Variants in SEMA6D observed in about 807,000 individuals in gnomAD.
SEMA6D encodes semaphorin-6D.
SEMA6D carries 35 observed loss-of-function variants against 106.6 expected under a neutral mutation model. The ratio of observed to expected loss-of-function variants is 0.33; its 90% CI spans 0.25 to 0.44. The LOEUF is 0.44. Ranked by LOEUF, SEMA6D falls within the 20% of genes least tolerant of loss-of-function variation. SEMA6D has a pLI of 1.00. For missense variants in SEMA6D, 1,185 were observed against 1,345.9 expected, an observed-to-expected ratio of 0.88 and a Z score of 1.87; for synonymous variants, 499 against 487.7, an observed-to-expected ratio of 1.02 and a Z score of -0.31.
chr15:47,324,972 T>C (rs1299058124), intron 1 of SEMA6D, among the ~76,000 whole-genome samples: 3 of 152,098 alleles, frequency 2.0e-5, no homozygotes, highest in African/African-American at 7.2e-5. Flanking sequence ...TTTAAAACCA[T>C]GTATATATTG....
chr15:47,511,369 C>T (rs189318004), intron 3 of SEMA6D, among the ~76,000 whole-genome samples: 1 of 152,208 alleles, frequency 6.6e-6, no homozygotes, highest in South Asian at 2.1e-4. Flanking sequence ...GCTCACAAAT[C>T]ATCTAACCTA....
chr15:47,244,015 G>A (rs1275501375), intron 1 of SEMA6D, among the ~76,000 whole-genome samples: 1 of 152,152 alleles, frequency 6.6e-6, no homozygotes, highest in African/African-American at 2.4e-5. Context: ...GTAGTGATAA[G>A]TGGTATAAAT....
At chr15:47,737,084 A>G (rs1408092513) in intron 1 of SEMA6D, among the ~76,000 whole-genome samples, 2 of 152,160 alleles carry the variant, frequency 1.3e-5, no homozygotes, top group Admixed American at 6.5e-5. Context: ...GGTAGGAAGG[A>G]AAAAGTAGGA....
At chr15:47,679,031 T>C (rs1466854683) in intron 4 of SEMA6D, among the ~76,000 whole-genome samples, 1 of 152,210 alleles carries the variant, frequency 6.6e-6, no homozygotes, top group African/African-American at 2.4e-5. Context: ...CATTTCATAC[T>C]TACATTTAGA....
intron 1 of SEMA6D, among the ~76,000 whole-genome samples, chr15:47,358,107 G>C (rs1054071161): frequency 6.6e-6 from 1 of 152,190 alleles, no homozygotes; most frequent in Non-Finnish European, 1.5e-5. Flanking sequence ...CCAGGGCTCT[G>C]AGTTTTTCCT....
chr15:47,593,832 G>A (rs748367174), intron 3 of SEMA6D, among the ~76,000 whole-genome samples: 74 of 152,176 alleles, frequency 4.9e-4, no homozygotes, highest in Admixed American at 1.4e-3. Flanking sequence ...GAAAGAGGGC[G>A]GTGCAGTGCT....
intron 1 of SEMA6D, among the ~76,000 whole-genome samples, chr15:47,305,841 A>G (rs919673975): frequency 1.3e-5 from 2 of 152,210 alleles, no homozygotes; most frequent in African/African-American, 2.4e-5. Flanking sequence ...CACAAAGTAG[A>G]TCTTCTCATA....
intron 3 of SEMA6D, among the ~76,000 whole-genome samples, chr15:47,502,123 T>C (rs1435866535): frequency 6.6e-6 from 1 of 152,280 alleles, no homozygotes; most frequent in East Asian, 1.9e-4. Flanking sequence ...ACAGATGAAA[T>C]TATGAGCCTA....
intron 1 of SEMA6D, among the ~76,000 whole-genome samples, chr15:47,242,048 G>A (rs1214111275): frequency 6.6e-6 from 1 of 151,966 alleles, no homozygotes; most frequent in African/African-American, 2.4e-5. Context: ...GTGTGGCCTT[G>A]GATAAGTCAC....
At chr15:47,275,668 C>T (rs1052050469) in intron 1 of SEMA6D, among the ~76,000 whole-genome samples, 1 of 152,094 alleles carries the variant, frequency 6.6e-6, no homozygotes, top group Non-Finnish European at 1.5e-5. Context: ...TCTCCCTTCT[C>T]TCTCTCCTTG....
chr15:47,311,375 C>T lies in SEMA6D; in HGVS notation c.-238-101018C>T, dbSNP rs1293921012. Among the ~76,000 whole-genome samples the T allele has an allele frequency of 2.0e-5, 3 of 152,038 alleles. No individual in the cohort carries two copies. In the East Asian group the frequency reaches 5.8e-4, roughly 29 times the overall value. On this transcript the variant is annotated intron_variant, in intron 1 of 19. Coordinates refer to the SEMA6D transcript ENST00000558014. ...CAGAGACACAGCAGTCATTTTAATA[C>T]CCTTATTTGTCAAGTGTTTTCACCT...
intron 3 of SEMA6D, among the ~76,000 whole-genome samples, chr15:47,533,641 A>T (rs1193714277): frequency 6.6e-6 from 1 of 152,162 alleles, no homozygotes; most frequent in Non-Finnish European, 1.5e-5. Flanking sequence ...GGGGTGAATG[A>T]TGGCTATTAG....
At chr15:47,418,625 G>T (rs529866325) in intron 2 of SEMA6D, among the ~76,000 whole-genome samples, 2 of 152,046 alleles carry the variant, frequency 1.3e-5, no homozygotes, top group Non-Finnish European at 2.9e-5. Flanking sequence ...CACCTAAAGG[G>T]TTAGGATTTC....
intron 1 of SEMA6D, among the ~76,000 whole-genome samples, chr15:47,224,990 C>T (rs1035061358): frequency 6.6e-6 from 1 of 151,778 alleles, no homozygotes; most frequent in Non-Finnish European, 1.5e-5. Flanking sequence ...CGAATACCCA[C>T]TTTTTTCCTC....
At chr15:47,196,621 A>G (rs1894378773) in intron 1 of SEMA6D, among the ~76,000 whole-genome samples, 1 of 152,222 alleles carries the variant, frequency 6.6e-6, no homozygotes, top group South Asian at 2.1e-4. Flanking sequence ...TTTGGAAGGT[A>G]GCTTATGTTA....
At chr15:47,474,466 T>C (rs56342217) in intron 3 of SEMA6D, among the ~76,000 whole-genome samples, 55,979 of 152,104 alleles carry the variant, frequency 0.37, 11,006 homozygotes, top group African/African-American at 0.51. Context: ...ACAAAGGGTA[T>C]GTGGCATTAA....
At chr15:47,464,138 G>A (rs1227089425) in intron 2 of SEMA6D, among the ~76,000 whole-genome samples, 1 of 152,058 alleles carries the variant, frequency 6.6e-6, no homozygotes, top group African/African-American at 2.4e-5. Context: ...CATATCTTTT[G>A]GGGGGCTGCC....
chr15:47,238,278 A>G (rs2032681478), intron 1 of SEMA6D, among the ~76,000 whole-genome samples: 1 of 152,130 alleles, frequency 6.6e-6, no homozygotes, highest in South Asian at 2.1e-4. Context: ...AACAACAACA[A>G]TAATGATCTA....
intron 4 of SEMA6D, among the ~76,000 whole-genome samples, chr15:47,645,557 C>G (rs57283251): frequency 0.18 from 27,067 of 151,086 alleles, 2,982 homozygotes; most frequent in South Asian, 0.27. Flanking sequence ...CACAACACTT[C>G]TGACACCAAA....
Sources: allele counts gnomAD v4.1 joint callset (sites outside exome capture counted in the v4.1 genomes callset), GRCh38; gene constraint gnomAD v4.1.1; transcripts MANE v1.5; gene names NCBI Gene and HGNC (gene_info 2026-07-23, HGNC 2026-07-21).